APBA1: variants seen among roughly 807,000 people sequenced by gnomAD.
APBA1 encodes amyloid beta precursor protein binding family A member 1.
A neutral mutation model predicts 86.6 loss-of-function variants in APBA1; 55 were observed. The ratio of observed to expected loss-of-function variants is 0.64; its 90% CI spans 0.51 to 0.80. APBA1 has a LOEUF of 0.80. Ranked by LOEUF, APBA1 falls within the 30% of genes least tolerant of loss-of-function variation. APBA1 has a pLI of 0.00. For missense variants in APBA1, 1,090 were observed against 1,183.0 expected (o/e 0.92, Z 1.15); for synonymous variants, 511 against 493.9 (o/e 1.03, Z -0.46).
intron 1 of APBA1, among the ~76,000 whole-genome samples, chr9:69,555,629 A>G (rs544581255): frequency 1.3e-5 from 2 of 152,356 alleles, no homozygotes; most frequent in Admixed American, 1.3e-4. Flanking sequence ...AATATAAAAA[A>G]AGTTTTATCA....
chr9:69,499,806 A>T (rs898309410), intron 2 of APBA1, among the ~76,000 whole-genome samples: 1 of 151,984 alleles, frequency 6.6e-6, no homozygotes, highest in Non-Finnish European at 1.5e-5. Context: ...TAAAAAAAAA[A>T]AGTGGATGTA....
At chr9:69,600,911 G>A (rs907192807) in intron 1 of APBA1, among the ~76,000 whole-genome samples, 2 of 151,556 alleles carry the variant, frequency 1.3e-5, no homozygotes, top group African/African-American at 4.8e-5. Flanking sequence ...AGGCTTAAAT[G>A]AGATAATATA....
At chr9:69,462,506 C>T (rs1267292421) in intron 5 of APBA1, 1 of 152,180 alleles carries the variant, frequency 6.6e-6, no homozygotes, top group Non-Finnish European at 1.5e-5. Context: ...GAGAATACTA[C>T]CAATGACAGG....
At chr9:69,490,174 A>AG (rs760831353) in intron 2 of APBA1, among the ~76,000 whole-genome samples, 1 of 152,056 alleles carries the variant, frequency 6.6e-6, no homozygotes, top group African/African-American at 2.4e-5. Flanking sequence ...TGTCCTTTGT[A>AG]GGACATGGAT....
intron 1 of APBA1, among the ~76,000 whole-genome samples, chr9:69,607,533 C>G (rs1468934467): frequency 6.6e-6 from 1 of 152,198 alleles, no homozygotes; most frequent in African/African-American, 2.4e-5. Flanking sequence ...AGCACATTTA[C>G]AGTTTTTTTA....
chr9:69,615,354 A>G (rs1261893061), intron 1 of APBA1, among the ~76,000 whole-genome samples: 6 of 152,230 alleles, frequency 3.9e-5, no homozygotes, highest in African/African-American at 1.4e-4. Context: ...TGTTCTTATG[A>G]CAATGCAGTT....
At chr9:69,658,831 C>G (rs1823695304) in intron 1 of APBA1, among the ~76,000 whole-genome samples, 2 of 152,056 alleles carry the variant, frequency 1.3e-5, no homozygotes, top group Admixed American at 1.3e-4. Flanking sequence ...TATGTCCCCA[C>G]CCAACAGACC....
In APBA1 at chr9:69,566,682, A is replaced by G. The variant is rs1417131668; in HGVS notation, c.-69-49403T>C. Among the ~76,000 whole-genome samples the G allele has an allele frequency of 2.0e-5, 3 of 152,128 alleles. No homozygotes were observed. The South Asian group carries it at 6.3e-4, about 32-fold the overall frequency. On this transcript the variant is annotated intron_variant, in intron 1 of 12. Coordinates refer to ENST00000265381, the MANE Select transcript of APBA1 (RefSeq NM_001163.4). ...AAACTCTCCTTTCTCAAGCACTCCAAGCTCATTCTCTCCTCAGAGCCTTTG... is the reference window on the plus strand; with the variant it reads ...AAACTCTCCTTTCTCAAGCACTCCAGGCTCATTCTCTCCTCAGAGCCTTTG...
Position 69,517,130 on chromosome 9 carries a change from G to T in APBA1, c.81C>A (p.Ala27=), listed in dbSNP as rs902513997. 3.2e-6 allele frequency: 5 copies of T among 1,569,720 alleles called. No individual in the cohort carries two copies. The Admixed American group carries it at 7.4e-5, about 23-fold the overall frequency. ...CTTCCACCTCGGGGTGCTCCAGGTC[G>T]GCCTCCACCGACTCGTTCACCTCCC... ...AGGEVNESVE[A]DLEHPEVEEE... Residue 27 remains alanine, a synonymous_variant, in exon 2 of 13, where the codon GCC becomes GCA. Coordinates refer to ENST00000265381, the MANE Select transcript of APBA1 (RefSeq NM_001163.4).
chr9:69,543,741 G>C (rs1277376238), intron 1 of APBA1, among the ~76,000 whole-genome samples: 1 of 152,144 alleles, frequency 6.6e-6, no homozygotes, highest in African/African-American at 2.4e-5. Flanking sequence ...ATAATTGGTG[G>C]GGTTAGGATT....
chr9:69,636,830 AGG>A (rs1370582638), intron 1 of APBA1, among the ~76,000 whole-genome samples: 23 of 5,822 alleles, frequency 4.0e-3, no homozygotes, highest in East Asian at 0.027. Context: ...AGAGAGAGAG[AGG>A]GAGGGAGGGA....
chr9:69,476,081 G>A lies in APBA1; in HGVS notation c.1263C>T (p.Pro421=). The change falls in exon 3 of 13, where the codon CCC becomes CCT. Residue 421 remains proline (P), a synonymous_variant. Coordinates refer to ENST00000265381, the MANE Select transcript of APBA1 (RefSeq NM_001163.4). ...GAESSSTSLH[P]SDPVEASTNK... ...TAGTGGACGCTTCCACAGGGTCACT[G>A]GGGTGAAGAGATGTGCTTGATGACT... is the stretch of plus-strand genomic sequence containing the variant. 1 of 1,614,174 alleles carries A rather than the reference G, an allele frequency of 6.2e-7. No individual in the cohort carries two copies. The highest frequency in any genetic ancestry group is 2.2e-5 in the East Asian group (1 of 44,892).
chr9:69,447,388 G>A (rs1834928102), intron 10 of APBA1, among the ~76,000 whole-genome samples: 1 of 152,052 alleles, frequency 6.6e-6, no homozygotes, highest in East Asian at 1.9e-4. Flanking sequence ...GAACTCCTAT[G>A]CCGCTCAGGC....
intron 2 of APBA1, among the ~76,000 whole-genome samples, chr9:69,514,290 G>A (rs1478660130): frequency 3.3e-5 from 5 of 152,138 alleles, no homozygotes. Flanking sequence ...GGCATAGGGT[G>A]GGTGAAAAAA....
At chr9:69,580,818 C>T (rs1032461117) in intron 1 of APBA1, among the ~76,000 whole-genome samples, 1 of 152,132 alleles carries the variant, frequency 6.6e-6, no homozygotes, top group South Asian at 2.1e-4. Context: ...TTCGCATATC[C>T]CTCTCCATGT....
intron 5 of APBA1, chr9:69,465,646 T>C (rs1050623791): frequency 6.6e-6 from 1 of 152,260 alleles, no homozygotes; most frequent in African/African-American, 2.4e-5. Context: ...CATGGTGATG[T>C]TCTATCCGTA....
chr9:69,574,798 T>C (rs1478599356), intron 1 of APBA1, among the ~76,000 whole-genome samples: 1 of 152,162 alleles, frequency 6.6e-6, no homozygotes, highest in Non-Finnish European at 1.5e-5. Context: ...TGCAATATTA[T>C]GGATAGTGGT....
intron 1 of APBA1, among the ~76,000 whole-genome samples, chr9:69,653,461 C>T (rs1344729004): frequency 6.6e-6 from 1 of 152,150 alleles, no homozygotes; most frequent in East Asian, 1.9e-4. Flanking sequence ...GCCAAATGGA[C>T]CTAACAAACA....
chr9:69,626,704 G>A (rs983596249), intron 1 of APBA1, among the ~76,000 whole-genome samples: 2 of 152,154 alleles, frequency 1.3e-5, no homozygotes, highest in African/African-American at 4.8e-5. Flanking sequence ...ATCTCTTGGA[G>A]AGAATGAAAT....
Sources: allele counts gnomAD v4.1 joint callset (sites outside exome capture counted in the v4.1 genomes callset), GRCh38; gene constraint gnomAD v4.1.1; transcripts MANE v1.5; gene names NCBI Gene and HGNC (gene_info 2026-07-23, HGNC 2026-07-21).